The following TCTN1 variants were observed in gnomAD, a reference collection of about 807,000 sequenced individuals.
TCTN1 encodes tectonic family member 1.
In TCTN1, 58 loss-of-function variants were observed where a neutral mutation model predicts 65.8. The observed-to-expected ratio is 0.88, with a 90% CI of 0.71 to 1.10. TCTN1 has a LOEUF of 1.10. Ranked by LOEUF, TCTN1 falls within the 50% of genes least tolerant of loss-of-function variation. The probability of loss-of-function intolerance (pLI) is 0.00; values close to 1 mark genes in which losing one functional copy is unlikely to be tolerated. For missense variants in TCTN1, 645 were observed against 719.4 expected (o/e 0.90, Z 1.18); for synonymous variants, 273 against 289.1 (o/e 0.94, Z 0.57).
At chr12:110,628,327 T>C in intron 3 of TCTN1, 1 of 1,247,352 alleles carries the variant, frequency 8.0e-7, no homozygotes, top group Non-Finnish European at 1.1e-6. Flanking sequence ...GAGAAGTGAA[T>C]ATGGAAAAAT....
Position 110,634,794 on chromosome 12 carries a change from G to T in TCTN1, c.822+15G>T. 6.4e-7 allele frequency: 1 copy of T among 1,573,352 alleles called. No homozygotes were observed. Among genetic ancestry groups the T allele is most frequent in the East Asian group, 2.2e-5 (1 of 44,574 alleles). On this transcript the variant is annotated intron_variant, in intron 6 of 14. Coordinates refer to ENST00000397659, the MANE Select transcript of TCTN1 (RefSeq NM_001082538.3). ...AAATTCTGAGGGTAAGAATTATTTT[G>T]AAGTGGAACTTACTCATTAGGTATG...
At chr12:110,632,735 CAG>C in intron 5 of TCTN1, 176 bp downstream of exon 5, 1 of 663,942 alleles carries the variant, frequency 1.5e-6, no homozygotes, top group Non-Finnish European at 2.6e-6. Flanking sequence ...TAACTAAAAA[CAG>C]AATCTTCGGG....
At chr12:110,618,439 C>T (rs1023424241) in intron 1 of TCTN1, among the ~76,000 whole-genome samples, 2 of 152,144 alleles carry the variant, frequency 1.3e-5, no homozygotes, top group African/African-American at 4.8e-5. Context: ...CGGGGTTTCA[C>T]CGTGTTAGCC....
At chr12:110,614,462 C>G in intron 1 of TCTN1, 60 bp downstream of exon 1, 2 of 1,553,588 alleles carry the variant, frequency 1.3e-6, no homozygotes, top group Non-Finnish European at 1.7e-6. Flanking sequence ...GGGACAGCCC[C>G]GGTGAGGACG....
intron 1 of TCTN1, among the ~76,000 whole-genome samples, chr12:110,614,724 A>T (rs1479574878): frequency 6.6e-6 from 1 of 152,220 alleles, no homozygotes; most frequent in East Asian, 1.9e-4. Flanking sequence ...AATTAAGTCG[A>T]GACAATGGTG....
Position 110,644,936 on chromosome 12 carries a change from C to T in TCTN1, c.1332-31C>T. The stretch of plus-strand genomic sequence containing the variant: ...ACTGCTGGTGGATGAACAACAGCCT[C>T]ATTCAGTTGACTTCTTTTTCCTTCA... On this transcript the variant is annotated intron_variant, in intron 11 of 14. Transcript: ENST00000397659. This position sits in a 1 kb window ranked among gnomAD's most constrained non-coding sequence, Gnocchi z 4.6. The T allele has an allele frequency of 6.2e-7, 1 of 1,613,824 alleles. No individual in the cohort carries two copies. Among genetic ancestry groups the T allele is most frequent in the Non-Finnish European group, 8.5e-7 (1 of 1,179,752 alleles).
At chr12:110,647,704 G>A in intron 13 of TCTN1, 45 bp from the exon 14 acceptor site, 1 of 1,613,872 alleles carries the variant, frequency 6.2e-7, no homozygotes, top group Non-Finnish European at 8.5e-7. Flanking sequence ...TGTCATTCTG[G>A]GAGCACACTG....
intron 5 of TCTN1, among the ~76,000 whole-genome samples, chr12:110,634,085 A>G (rs1195316709): frequency 6.6e-6 from 1 of 152,210 alleles, no homozygotes; most frequent in Non-Finnish European, 1.5e-5. Context: ...AATCTCCAAG[A>G]TATATTGTTC....
rs775854881 is a variant in TCTN1, at chr12:110,641,590, G to A, written c.1153G>A (p.Gly385Arg). 5.6e-6 allele frequency: 9 copies of A among 1,614,072 alleles called. No individual in the cohort carries two copies. Among genetic ancestry groups the A allele is most frequent in the African/African-American group, 2.7e-5 (2 of 74,930 alleles). Residue 385 changes from glycine (G) to arginine (R), a missense_variant, in exon 10 of 15, where the codon GGG (glycine) becomes AGG (arginine). Coordinates refer to ENST00000397659, the MANE Select transcript of TCTN1 (RefSeq NM_001082538.3). ...CAGTGGAAACCCTGGTTATGTCGTG[G>A]GGCTCCCATTAGCTGCTGGATTCCA... ...PLSGNPGYVV[G>R]LPLAAGFQPH...
In TCTN1 at chr12:110,626,403, C is replaced by A. The variant is rs974269821; in HGVS notation, c.383C>A (p.Ser128Ter). The change falls in exon 3 of 15, where the codon TCA becomes TAA. Residue 128 changes from serine to a stop codon, truncating the protein, a stop_gained. Transcript: ENST00000397659. LOFTEE classifies it high-confidence loss of function. ...TGTAGTCAAAAAGCAGTCATCTATT[C>A]ATTGAATTTTACAGCAAACCCACCT... ...QFCSQKAVIY[S>*]LNFTANPPQR... 1 of 1,603,718 alleles carries A rather than the reference C, an allele frequency of 6.2e-7. No homozygotes were observed. The highest frequency in any genetic ancestry group is 1.1e-5 in the South Asian group (1 of 90,166).
chr12:110,614,162 C>G lies in TCTN1; in HGVS notation c.-21C>G. On this transcript the variant is annotated 5_prime_UTR_variant, in exon 1 of 15. Transcript: ENST00000397659. The stretch of plus-strand genomic sequence containing the variant: ...GCAACGCGCTGTCCATGTCGCGGGC[C>G]TCGCTGGGACTCCCTGGGAGATGAG... 6.5e-7 allele frequency: 1 copy of G among 1,547,712 alleles called. No homozygotes were observed. Among genetic ancestry groups the G allele is most frequent in the Non-Finnish European group, 8.7e-7 (1 of 1,147,244 alleles).
At chr12:110,623,873 C>T (rs897748072) in intron 2 of TCTN1, among the ~76,000 whole-genome samples, 5 of 151,568 alleles carry the variant, frequency 3.3e-5, no homozygotes, top group African/African-American at 7.3e-5. Flanking sequence ...GCATGAGCCA[C>T]GGTGCTTGGG....
Position 110,634,847 on chromosome 12 carries a change from A to G in TCTN1, c.822+68A>G, listed in dbSNP as rs114661062. 1.9e-3 allele frequency: 2,306 copies of G among 1,231,042 alleles called. 37 individuals carry two copies. The African/African-American group carries it at 0.03, about 16-fold the overall frequency. The allele number at this position is 1,231,042 out of a possible 1,614,324, so 76.3% of individuals were successfully genotyped here. ...TCTGTTCTTTCTGCGCTTTTAAAAT[A>G]TGACAAGTACAGAATAATTTCAGTA... On this transcript the variant is annotated intron_variant, in intron 6 of 14. Coordinates refer to ENST00000397659, the MANE Select transcript of TCTN1 (RefSeq NM_001082538.3).
intron 4 of TCTN1, 70 bp from the exon 5 acceptor site, chr12:110,632,402 T>TGG: frequency 6.6e-7 from 1 of 1,516,496 alleles, no homozygotes; most frequent in Non-Finnish European, 9.2e-7. Flanking sequence ...TGGCACATTG[T>TGG]GGGTGCCCAG....
At chr12:110,624,086 T>C (rs1214847951) in intron 2 of TCTN1, among the ~76,000 whole-genome samples, 11 of 151,784 alleles carry the variant, frequency 7.2e-5, no homozygotes, top group Admixed American at 7.2e-4. Context: ...CAGCTATCTG[T>C]CTATTTTTTT....
rs747538522 is a variant in TCTN1, at chr12:110,626,445, T to G, written c.425T>G (p.Leu142Arg). The G allele has an allele frequency of 4.3e-6, 7 of 1,612,112 alleles. No homozygotes were observed. Among genetic ancestry groups the G allele is most frequent in the Non-Finnish European group, 5.1e-6 (6 of 1,178,908 alleles). ...TANPPQRVFE[L>R]VDQINPSIFC... Reference sequence around the variant, plus strand: ...AACCCACCTCAAAGAGTATTTGAACTTGTTGACCAGATTAATCCATCTATT... The same window carrying G: ...AACCCACCTCAAAGAGTATTTGAACGTGTTGACCAGATTAATCCATCTATT... Residue 142 changes from leucine to arginine, a missense_variant, in exon 3 of 15, where the codon CTT becomes CGT. Leu to Arg is a moderately radical substitution (Grantham distance 102). Coordinates refer to ENST00000397659, the MANE Select transcript of TCTN1 (RefSeq NM_001082538.3).
At chr12:110,625,251 G>GT (rs2065754015) in intron 2 of TCTN1, among the ~76,000 whole-genome samples, 1 of 151,954 alleles carries the variant, frequency 6.6e-6, no homozygotes, top group Admixed American at 6.6e-5. Context: ...TCTCAATTTT[G>GT]TTTTTTTCTG....
At position 110,645,128 on chromosome 12, in the gene TCTN1, A is replaced by G; in HGVS notation, c.1493A>G (p.Lys498Arg). Residue 498 changes from lysine (K) to arginine (R), a missense_variant and splice_region_variant, in exon 12 of 15, where the codon AAG (lysine) becomes AGG (arginine). Physicochemically the swap from Lys to Arg is conservative, Grantham distance 26. Transcript: ENST00000397659. Reference protein sequence around the residue: ...IHFITQSFNRKHFVLQDSCQL... With the variant: ...IHFITQSFNRRHFVLQDSCQL... The stretch of plus-strand genomic sequence containing the variant: ...TTCATCACCCAGTCATTCAACAGGA[A>G]GGTAAAGGGGAGAAGGTACAGGTTC... The G allele has an allele frequency of 1.2e-6, 2 of 1,613,982 alleles. No individual in the cohort carries two copies. Among genetic ancestry groups the G allele is most frequent in the Admixed American group, 1.7e-5 (1 of 60,016 alleles).
chr12:110,627,227 A>G (rs2065918347), intron 3 of TCTN1, among the ~76,000 whole-genome samples: 2 of 150,608 alleles, frequency 1.3e-5, no homozygotes, highest in Non-Finnish European at 2.9e-5. Flanking sequence ...CCTCCCGAGT[A>G]GCTGAGATTA....
Sources: gnomAD v4.1 joint callset for allele counts (sites outside exome capture counted in the v4.1 genomes callset) on GRCh38, gnomAD v4.1.1 for gene constraint, Gnocchi (gnomAD v3.1) non-coding constraint, MANE v1.5 for transcripts, NCBI Gene and HGNC (gene_info 2026-07-23, HGNC 2026-07-21) for gene names.